ITGB5: variants seen among roughly 807,000 people sequenced by gnomAD.
ITGB5 encodes the protein integrin subunit beta 5.
In ITGB5, 38 loss-of-function variants were observed where a neutral mutation model predicts 84.8. That is an observed-to-expected ratio of 0.45 (90% confidence interval 0.35 to 0.59). The LOEUF (loss-of-function observed/expected upper bound fraction) is 0.59. Ranked by LOEUF, ITGB5 falls within the 20% of genes least tolerant of loss-of-function variation. The pLI, the probability that ITGB5 is intolerant of heterozygous loss-of-function variation, is 0.01. For missense variants in ITGB5, 905 were observed against 1,034.5 expected, an observed-to-expected ratio of 0.87 and a Z score of 1.72; for synonymous variants, 393 against 414.4, an observed-to-expected ratio of 0.95 and a Z score of 0.63.
intron 5 of ITGB5, chr3:124,832,791 A>C (rs1315718063): frequency 6.6e-6 from 1 of 152,258 alleles, no homozygotes; most frequent in East Asian, 1.9e-4. Context: ...TGTAATAACA[A>C]AACACTGTCC....
At chr3:124,868,963 G>T (rs1179767695) in intron 2 of ITGB5, among the ~76,000 whole-genome samples, 1 of 152,180 alleles carries the variant, frequency 6.6e-6, no homozygotes, top group Admixed American at 6.5e-5. Flanking sequence ...GATACCTGTG[G>T]GAGGAGACGT....
chr3:124,814,309 A>C (rs2064552258), intron 8 of ITGB5, among the ~76,000 whole-genome samples: 1 of 151,866 alleles, frequency 6.6e-6, no homozygotes, highest in African/African-American at 2.4e-5. Context: ...GGAAGAAGGG[A>C]ATTATCAAGG....
intron 3 of ITGB5, among the ~76,000 whole-genome samples, chr3:124,851,946 C>T (rs916493138): frequency 4.6e-5 from 7 of 152,160 alleles, no homozygotes; most frequent in African/African-American, 1.7e-4. Context: ...CGTTAACAGC[C>T]TGAAGGTGAA....
chr3:124,824,926 C>T (rs894228614), intron 5 of ITGB5, among the ~76,000 whole-genome samples: 1 of 152,152 alleles, frequency 6.6e-6, no homozygotes, highest in Non-Finnish European at 1.5e-5. Flanking sequence ...AGGCCTGGCG[C>T]GGTGGCTCAT....
At chr3:124,840,829 A>G (rs968438714) in intron 5 of ITGB5, among the ~76,000 whole-genome samples, 2 of 151,838 alleles carry the variant, frequency 1.3e-5, no homozygotes, top group African/African-American at 4.8e-5. Flanking sequence ...ATGCCCGGCT[A>G]ATTTTTTTGT....
intron 1 of ITGB5, among the ~76,000 whole-genome samples, chr3:124,883,816 T>G (rs1934685914): frequency 6.6e-6 from 1 of 152,184 alleles, no homozygotes; most frequent in South Asian, 2.1e-4. Flanking sequence ...CTCACCTCAG[T>G]GAGACCCCTG....
At chr3:124,888,706 G>A (rs1456726585), upstream of ITGB5, among the ~76,000 whole-genome samples, 4 of 152,216 alleles carry the variant, frequency 2.6e-5, no homozygotes, top group Admixed American at 2.0e-4. Flanking sequence ...GTTCAAAAGT[G>A]CAGCATGGCT....
intron 10 of ITGB5, among the ~76,000 whole-genome samples, chr3:124,796,130 G>A (rs2064219100): frequency 6.6e-6 from 1 of 152,214 alleles, no homozygotes; most frequent in Non-Finnish European, 1.5e-5. Flanking sequence ...CATGAATTGG[G>A]AAGTAAGGTG....
At chr3:124,810,353 T>A (rs1458291665) in intron 8 of ITGB5, among the ~76,000 whole-genome samples, 1 of 152,252 alleles carries the variant, frequency 6.6e-6, no homozygotes, top group African/African-American at 2.4e-5. Flanking sequence ...TAGGGACTTC[T>A]GGGCCTGGCT....
In ITGB5 at chr3:124,809,093, TA is replaced by T; in HGVS notation, c.1191del (p.Phe397LeufsTer20). The T allele has an allele frequency of 6.2e-7, 1 of 1,614,066 alleles. No individual in the cohort carries two copies. Among genetic ancestry groups the T allele is most frequent in the Non-Finnish European group, 8.5e-7 (1 of 1,179,944 alleles). ...WDQPEDLNLF[F>X]TATCQDGVSY... ...GATACCCCATCTTGGCAGGTAGCAG[TA>T]AAGAAGAGATTAAGATCCTCAGGCT... is the stretch of plus-strand genomic sequence containing the variant. On this transcript the variant is annotated frameshift_variant, in exon 9 of 15. Transcript: ENST00000296181. LOFTEE classifies it high-confidence loss of function.
chr3:124,885,937 G>A (rs1934783806), intron 1 of ITGB5, among the ~76,000 whole-genome samples: 1 of 152,178 alleles, frequency 6.6e-6, no homozygotes, highest in South Asian at 2.1e-4. Flanking sequence ...CAACCACTTG[G>A]CTCACAAGAG....
At chr3:124,870,082 T>G (rs13091878) in intron 2 of ITGB5, among the ~76,000 whole-genome samples, 23,897 of 152,104 alleles carry the variant, frequency 0.16, 1,964 homozygotes, top group South Asian at 0.21. Flanking sequence ...AAATTAAGAG[T>G]AAATCACAGC....
intron 2 of ITGB5, among the ~76,000 whole-genome samples, chr3:124,859,705 A>C (rs2065269911): frequency 6.6e-6 from 1 of 152,156 alleles, no homozygotes; most frequent in Admixed American, 6.5e-5. Context: ...TGTTATTTTG[A>C]TGGTTAAAAT....
intron 2 of ITGB5, among the ~76,000 whole-genome samples, chr3:124,872,572 G>A (rs7632893): frequency 0.16 from 23,994 of 152,080 alleles, 1,981 homozygotes; most frequent in South Asian, 0.21. Context: ...CAGGGACCAC[G>A]CACTGCATTG....
intron 10 of ITGB5, among the ~76,000 whole-genome samples, chr3:124,788,597 G>C (rs903417784): frequency 6.6e-6 from 1 of 152,158 alleles, no homozygotes; most frequent in Non-Finnish European, 1.5e-5. Context: ...AAATGGAACC[G>C]GACTCTCCTG....
chr3:124,843,001 C>G (rs12631961), intron 4 of ITGB5, among the ~76,000 whole-genome samples: 1 of 151,988 alleles, frequency 6.6e-6, no homozygotes, highest in Non-Finnish European at 1.5e-5. Context: ...CTCTCCCTCT[C>G]GGGGCCGGCG....
rs377759349 is a variant in ITGB5, at chr3:124,790,712, C to CT, written c.1693+5675dup. ...TACTAGTACCATGCTTCTTCTTGTT[C>CT]TTTTTTTTTTTGTTTGGGAGAGAAC... On this transcript the variant is annotated intron_variant, in intron 10 of 14. Coordinates refer to ENST00000296181, the MANE Select transcript of ITGB5 (RefSeq NM_002213.5). 4.5e-3 allele frequency among the ~76,000 whole-genome samples: 659 copies of CT among 146,466 alleles called. 3 individuals are homozygous for CT. The highest frequency in any genetic ancestry group is 0.014 in the African/African-American group (549 of 40,172).
At position 124,796,414 on chromosome 3, in the gene ITGB5, G is replaced by C. The variant is rs761460472; in HGVS notation, c.1667C>G (p.Ala556Gly). 1 of 1,613,042 alleles carries C rather than the reference G, an allele frequency of 6.2e-7. No homozygotes were observed. The highest frequency in any genetic ancestry group is 2.2e-5 in the East Asian group (1 of 44,844). ...PFCECDNFSC[A>G]RNKGVLCSGH... ...TGAGCAGAGGACTCCCTTGTTCCTG[G>C]CACAGGAGAAGTTGTCGCACTCACA... The change falls in exon 10 of 15, where the codon GCC (alanine) becomes GGC (glycine). Residue 556 changes from alanine to glycine, a missense_variant. Physicochemically the swap from Ala to Gly is moderately conservative, Grantham distance 60. Transcript: ENST00000296181.
upstream of ITGB5, among the ~76,000 whole-genome samples, chr3:124,889,117 C>A (rs560017246): frequency 6.6e-6 from 1 of 152,282 alleles, no homozygotes; most frequent in Non-Finnish European, 1.5e-5. Flanking sequence ...AGCTACATAC[C>A]TCCCTCACAA....
Sources: gnomAD v4.1 joint callset for allele counts (sites outside exome capture counted in the v4.1 genomes callset) on GRCh38, gnomAD v4.1.1 for gene constraint, MANE v1.5 for transcripts, NCBI Gene and HGNC (gene_info 2026-07-23, HGNC 2026-07-21) for gene names.